LIPE: variants seen among roughly 807,000 people sequenced by gnomAD.
The protein encoded by LIPE is hormone-sensitive lipase.
LIPE carries 66 observed loss-of-function variants against 88.5 expected under a neutral mutation model. That is an observed-to-expected ratio of 0.75 (90% confidence interval 0.61 to 0.91). LIPE has a LOEUF of 0.91. LIPE is among the 40% of genes least tolerant of loss of function. The pLI, the probability that LIPE is intolerant of heterozygous loss-of-function variation, is 0.00. For synonymous variants in LIPE, 570 were observed against 617.5 expected (o/e 0.92, Z 1.14); for missense variants, 1,346 against 1,434.7 (o/e 0.94, Z 1.00).
intron 8 of LIPE, among the ~76,000 whole-genome samples, chr19:42,403,235 T>C (rs2040048904): frequency 1.4e-5 from 2 of 138,564 alleles, no homozygotes; most frequent in South Asian, 4.7e-4. Flanking sequence ...TGTGTTCTAG[T>C]GAAGGATGTG....
In LIPE at chr19:42,427,024, C is replaced by T. The variant is rs926070763; in HGVS notation, c.126G>A (p.Leu42=). Residue 42 remains leucine, a synonymous_variant, in exon 1 of 10, where the codon CTG becomes CTA. Transcript: ENST00000244289. ...TPIAQPESKT[L]QGSNTQQKPA... ...GCTTCTGTTGGGTATTGGATCCCTG[C>T]AGAGTCTTCGATTCTGGCTGGGCTA... 1.2e-6 allele frequency: 2 copies of T among 1,613,780 alleles called. No homozygotes were observed. The highest frequency in any genetic ancestry group is 2.7e-5 in the African/African-American group (2 of 74,792).
intron 8 of LIPE, among the ~76,000 whole-genome samples, chr19:42,405,066 C>T (rs1160074548): frequency 1.3e-5 from 2 of 152,028 alleles, no homozygotes; most frequent in Non-Finnish European, 2.9e-5. Flanking sequence ...AGGGGTTTTG[C>T]CATATTGGCC....
Position 42,410,339 on chromosome 19 carries a change from C to T in LIPE, c.1387G>A (p.Gly463Arg), listed in dbSNP as rs1283711246. ...FLREYVTLHKGCFYGRCLGFQ... is the reference protein window; with the variant it reads ...FLREYVTLHKRCFYGRCLGFQ... Reference sequence around the variant, plus strand: ...CCCAGGCAGCGGCCATAGAAGCATCCCTTATGCAGCGTGACATACTCCCGG... The same window carrying T: ...CCCAGGCAGCGGCCATAGAAGCATCTCTTATGCAGCGTGACATACTCCCGG... The change falls in exon 2 of 10, where the codon GGA becomes AGA. Residue 463 changes from glycine to arginine, a missense_variant. Physicochemically the swap from Gly to Arg is moderately radical, Grantham distance 125. Coordinates refer to ENST00000244289, the MANE Select transcript of LIPE (RefSeq NM_005357.4). This position sits in a 1 kb window ranked among gnomAD's most constrained non-coding sequence, Gnocchi z 6.1. The T allele has an allele frequency of 6.2e-7, 1 of 1,608,620 alleles. No homozygotes were observed. The highest frequency in any genetic ancestry group is 1.3e-5 in the African/African-American group (1 of 74,772).
At chr19:42,425,045 C>T in intron 1 of LIPE, 1 of 231,596 alleles carries the variant, frequency 4.3e-6, no homozygotes, top group South Asian at 5.3e-5. Flanking sequence ...TTGCTGAGAA[C>T]ACAACCCGCA....
chr19:42,417,215 C>T (rs575003434), intron 1 of LIPE, among the ~76,000 whole-genome samples: 10 of 152,300 alleles, frequency 6.6e-5, no homozygotes, highest in Admixed American at 2.6e-4. Context: ...CCACTGCGCC[C>T]GGCCAATTTC....
intron 1 of LIPE, chr19:42,423,843 G>T: frequency 9.0e-7 from 1 of 1,108,070 alleles, no homozygotes; most frequent in Non-Finnish European, 1.1e-6. Flanking sequence ...CCCGCGGGGA[G>T]CACCCCAGCA....
intron 1 of LIPE, 84 bp downstream of exon 1, chr19:42,426,183 T>G: frequency 7.6e-7 from 1 of 1,313,284 alleles, no homozygotes; most frequent in Non-Finnish European, 1.0e-6. Context: ...AGAGCTAACC[T>G]GATACACCGT....
Position 42,427,050 on chromosome 19 carries a change from T to C in LIPE, c.100A>G (p.Ile34Val), listed in dbSNP as rs771323136. Residue 34 changes from isoleucine to valine, a missense_variant, in exon 1 of 10, where the codon ATA (isoleucine) becomes GTA (valine). Transcript: ENST00000244289. ...AGAGTCTTCGATTCTGGCTGGGCTA[T>C]GGGTGTCTTTTCTGGCCCAGGCTCT... ...PLEPGPEKTP[I>V]AQPESKTLQG... The C allele has an allele frequency of 1.9e-6, 3 of 1,613,962 alleles. No individual in the cohort carries two copies. The highest frequency in any genetic ancestry group is 1.1e-5 in the South Asian group (1 of 91,068).
At chr19:42,418,753 G>A (rs550286606) in intron 1 of LIPE, among the ~76,000 whole-genome samples, 2 of 152,262 alleles carry the variant, frequency 1.3e-5, no homozygotes, top group Admixed American at 1.3e-4. Context: ...TCTATGCACT[G>A]GGAAACCAAC....
chr19:42,423,145 TC>T, intron 1 of LIPE: 1 of 298,910 alleles, frequency 3.3e-6, no homozygotes, highest in Non-Finnish European at 6.6e-6. Context: ...GAATACGGAA[TC>T]CGAGCGGGAA....
intron 8 of LIPE, among the ~76,000 whole-genome samples, chr19:42,404,464 C>T (rs570105629): frequency 2.0e-5 from 3 of 152,116 alleles, no homozygotes; most frequent in East Asian, 3.9e-4. Context: ...CTCCTGACCT[C>T]GTGATCTGCC....
chr19:42,406,521 C>T lies in LIPE; in HGVS notation c.2138-133G>A, dbSNP rs573366024. ...GTGGGGCACTCCAAGGCCTAGCAGA[C>T]TGCAGTTTTAGAGACTGGCAGACTG... is the stretch of plus-strand genomic sequence containing the variant. On this transcript the variant is annotated intron_variant, in intron 6 of 9. Transcript: ENST00000244289. The surrounding 1 kb of genome is among the most constrained non-coding windows in gnomAD (Gnocchi z 5.7). 5.6e-4 allele frequency: 396 copies of T among 701,806 alleles called. No individual in the cohort carries two copies. The African/African-American group carries it at 6.6e-3, about 12-fold the overall frequency. 43.5% of individuals were successfully genotyped at this position (701,806 alleles called of 1,614,324 possible).
chr19:42,413,432 G>A (rs1286086276), intron 1 of LIPE, among the ~76,000 whole-genome samples: 1 of 152,180 alleles, frequency 6.6e-6, no homozygotes, highest in Non-Finnish European at 1.5e-5. Flanking sequence ...TTGGGAGGCC[G>A]AGGCGGGCGG....
Position 42,408,465 on chromosome 19 carries a change from C to T in LIPE, c.1420-143G>A, listed in dbSNP as rs564945980. ...CCTACTGTGTGCTGGGCATAGCTCTCGGCTGGTTCACGGACCTGATGTTCT... is the reference window on the plus strand; with the variant it reads ...CCTACTGTGTGCTGGGCATAGCTCTTGGCTGGTTCACGGACCTGATGTTCT... On this transcript the variant is annotated intron_variant, in intron 2 of 9. Coordinates refer to ENST00000244289, the MANE Select transcript of LIPE (RefSeq NM_005357.4). This position sits in a 1 kb window ranked among gnomAD's most constrained non-coding sequence, Gnocchi z 4.3. 13 of 696,924 alleles carry T rather than the reference C, an allele frequency of 1.9e-5. No individual in the cohort carries two copies. Among genetic ancestry groups the T allele is most frequent in the South Asian group, 4.9e-5 (3 of 60,824 alleles). The allele number at this position is 696,924 out of a possible 1,614,324, so 43.2% of individuals were successfully genotyped here.
chr19:42,408,402 G>A lies in LIPE; in HGVS notation c.1420-80C>T, dbSNP rs757744531. Reference sequence around the variant, plus strand: ...GCAGGAGCGAGGCACAGGGATGTGCGGGGAAGACACATTCATTCAGTAAAC... The same window carrying A: ...GCAGGAGCGAGGCACAGGGATGTGCAGGGAAGACACATTCATTCAGTAAAC... On this transcript the variant is annotated intron_variant, in intron 2 of 9. Coordinates refer to ENST00000244289, the MANE Select transcript of LIPE (RefSeq NM_005357.4). This position sits in a 1 kb window ranked among gnomAD's most constrained non-coding sequence, Gnocchi z 4.3. 87 of 1,115,152 alleles carry A rather than the reference G, an allele frequency of 7.8e-5. No individual in the cohort carries two copies. The highest frequency in any genetic ancestry group is 1.1e-4 in the Non-Finnish European group (82 of 731,764). 69.1% of individuals were successfully genotyped at this position (1,115,152 alleles called of 1,614,324 possible). A position where few individuals can be genotyped will look rare whatever the true frequency, so the allele number is the denominator to read the frequency against.
intron 1 of LIPE, chr19:42,424,289 C>G (rs1249984086): frequency 4.3e-6 from 2 of 467,838 alleles, no homozygotes; most frequent in Middle Eastern, 3.2e-4. Flanking sequence ...GTAGAGGGAA[C>G]GACGCATGCT....
chr19:42,403,202 TG>T (rs1417190583), intron 8 of LIPE, 171 bp from the exon 9 acceptor site: 10 of 606,484 alleles, frequency 1.6e-5, no homozygotes, highest in Non-Finnish European at 2.8e-5. Flanking sequence ...GTGGTCATGG[TG>T]GGGGTCTTGG....
chr19:42,427,229 T>A lies in LIPE; in HGVS notation c.-80A>T. The A allele has an allele frequency of 6.8e-7, 1 of 1,481,012 alleles. No individual in the cohort carries two copies. The highest frequency in any genetic ancestry group is 1.4e-5 in the South Asian group (1 of 70,058). The allele number at this position is 1,481,012 out of a possible 1,614,324, so 91.7% of individuals were successfully genotyped here. ...CCACCCAGCCCTCTCTCTTCACAGATCTCTCATTGATTCCTCATGATGGCA... is the reference window on the plus strand; with the variant it reads ...CCACCCAGCCCTCTCTCTTCACAGAACTCTCATTGATTCCTCATGATGGCA... On this transcript the variant is annotated 5_prime_UTR_variant, in exon 1 of 10. Transcript: ENST00000244289.
At position 42,410,450 on chromosome 19, in the gene LIPE, C is replaced by T; in HGVS notation, c.1276G>A (p.Val426Ile). The T allele has an allele frequency of 6.2e-7, 1 of 1,614,154 alleles. No homozygotes were observed. The highest frequency in any genetic ancestry group is 1.1e-5 in the South Asian group (1 of 91,092). ...ACCAGCAGGCGCTGGGCGTAGTAGA[C>T]CAGAGCGCGGAGCTGGGTGAGGGCA... The part of the protein sequence containing the change: ...LAALTQLRAL[V>I]YYAQRLLVTN... Residue 426 changes from valine (V) to isoleucine (I), a missense_variant, in exon 2 of 10, where the codon GTC becomes ATC. Transcript: ENST00000244289. The surrounding 1 kb of genome is among the most constrained non-coding windows in gnomAD (Gnocchi z 6.1).
Sources: gnomAD v4.1 joint callset for allele counts (sites outside exome capture counted in the v4.1 genomes callset) on GRCh38, gnomAD v4.1.1 for gene constraint, Gnocchi (gnomAD v3.1) non-coding constraint, MANE v1.5 for transcripts, NCBI Gene and HGNC (gene_info 2026-07-23, HGNC 2026-07-21) for gene names.